CLVS1: variants seen among roughly 807,000 people sequenced by gnomAD.
The protein encoded by CLVS1 is clavesin 1, also known as clavesin-1.
CLVS1 carries 10 observed loss-of-function variants against 33.1 expected under a neutral mutation model. That is an observed-to-expected ratio of 0.30 (90% CI 0.19 to 0.51). CLVS1 has a LOEUF of 0.51. CLVS1 is among the 20% of genes least tolerant of loss of function. CLVS1 has a pLI of 0.97. For synonymous variants in CLVS1, 163 were observed against 166.1 expected (o/e 0.98, Z 0.14); for missense variants, 343 against 433.4 (o/e 0.79, Z 1.85).
chr8:61,202,878 T>A lies in CLVS1; in HGVS notation c.-152+71018T>A. The A allele has an allele frequency of 5.7e-6, 5 of 880,740 alleles. No individual in the cohort carries two copies. The South Asian group carries it at 6.6e-5, about 12-fold the overall frequency. 54.6% of individuals were successfully genotyped at this position (880,740 alleles called of 1,614,324 possible). On this transcript the variant is annotated intron_variant, in intron 2 of 2. Coordinates refer to the CLVS1 transcript ENST00000522621. ...AAGAAGATGATGATGATGAAGATGA[T>A]GATGATGATTTTAATGAGGAAGCTG...
At chr8:61,292,267 C>A (rs1563480537) in intron 1 of CLVS1, 8 of 447,836 alleles carry the variant, frequency 1.8e-5, no homozygotes, top group South Asian at 1.1e-4. Context: ...AAAATAGCCT[C>A]TTTCCTCCCA....
At chr8:61,224,657 T>G (rs551389599) in intron 2 of CLVS1, among the ~76,000 whole-genome samples, 3 of 152,302 alleles carry the variant, frequency 2.0e-5, no homozygotes, top group East Asian at 3.9e-4. Flanking sequence ...TTGGGTGGCA[T>G]AGGGAGCAGG....
chr8:61,038,461 T>TATATATATATATATATATATATGAC, the CLVS1 span, among the ~76,000 whole-genome samples: 2 of 117,770 alleles, frequency 1.7e-5, no homozygotes, highest in African/African-American at 3.7e-5. Context: ...ATATATGACA[T>TATATATATATATATATATATATGAC]ATATATATAT....
the CLVS1 span, among the ~76,000 whole-genome samples, chr8:60,968,629 C>T: frequency 6.6e-6 from 1 of 152,052 alleles, no homozygotes; most frequent in African/African-American, 2.4e-5. Context: ...TGGTGCACAC[C>T]TATAATCCCA....
At chr8:61,413,618 T>G (rs1815318069) in intron 3 of CLVS1, among the ~76,000 whole-genome samples, 1 of 152,180 alleles carries the variant, frequency 6.6e-6, no homozygotes, top group South Asian at 2.1e-4. Flanking sequence ...TATTTTCCCT[T>G]AACACCCTCC....
chr8:61,419,396 C>CAAAAAAAAAAAA (rs10635998), intron 3 of CLVS1, among the ~76,000 whole-genome samples: 49 of 70,326 alleles, frequency 7.0e-4, no homozygotes, highest in African/African-American at 2.0e-3. Flanking sequence ...GACTCCGTCT[C>CAAAAAAAAAAAA]AAAAAAAAAA....
intron 3 of CLVS1, among the ~76,000 whole-genome samples, chr8:61,427,707 T>G (rs1815946257): frequency 6.6e-6 from 1 of 152,208 alleles, no homozygotes; most frequent in South Asian, 2.1e-4. Flanking sequence ...AGAGGTTAAG[T>G]TATTTGACCC....
chr8:61,301,889 A>G (rs1810451105), intron 2 of CLVS1, among the ~76,000 whole-genome samples: 1 of 152,226 alleles, frequency 6.6e-6, no homozygotes, highest in African/African-American at 2.4e-5. Flanking sequence ...GCAATATCCA[A>G]TGAATGTTGA....
At chr8:61,050,462 A>G in the CLVS1 span, among the ~76,000 whole-genome samples, 7 of 152,210 alleles carry the variant, frequency 4.6e-5, no homozygotes, top group Non-Finnish European at 1.0e-4. Flanking sequence ...GACATTAAAC[A>G]TCACCAATGA....
intron 2 of CLVS1, among the ~76,000 whole-genome samples, chr8:61,247,773 G>T (rs1400111667): frequency 2.0e-5 from 3 of 152,178 alleles, no homozygotes; most frequent in Non-Finnish European, 4.4e-5. Context: ...TTGCTGTGCA[G>T]AAGTTCTTAA....
At chr8:61,026,530 G>T in the CLVS1 span, among the ~76,000 whole-genome samples, 5 of 152,152 alleles carry the variant, frequency 3.3e-5, no homozygotes, top group African/African-American at 1.2e-4. Context: ...GAGATGTGGT[G>T]TGCTTTGGGA....
intron 2 of CLVS1, among the ~76,000 whole-genome samples, chr8:61,224,910 T>A (rs956710590): frequency 6.6e-6 from 1 of 152,226 alleles, no homozygotes. Flanking sequence ...GGAGAATTTC[T>A]AACCCTCTAA....
chr8:61,389,215 G>T (rs562483973), intron 3 of CLVS1, among the ~76,000 whole-genome samples: 2 of 152,122 alleles, frequency 1.3e-5, no homozygotes, highest in Non-Finnish European at 2.9e-5. Flanking sequence ...TGGGTTGAGA[G>T]GCTAACCCAC....
At chr8:61,158,510 A>G (rs1806691651) in intron 2 of CLVS1, among the ~76,000 whole-genome samples, 1 of 152,184 alleles carries the variant, frequency 6.6e-6, no homozygotes, top group East Asian at 1.9e-4. Flanking sequence ...GATCATTGGT[A>G]GTGAAATTGG....
At chr8:61,368,382 C>A (rs1813300735) in intron 2 of CLVS1, among the ~76,000 whole-genome samples, 1 of 152,208 alleles carries the variant, frequency 6.6e-6, no homozygotes, top group South Asian at 2.1e-4. Flanking sequence ...GAAACACGGG[C>A]TCTTATTTCC....
the CLVS1 span, among the ~76,000 whole-genome samples, chr8:61,048,276 A>T: frequency 1.3e-5 from 2 of 152,232 alleles, no homozygotes; most frequent in Non-Finnish European, 2.9e-5. Context: ...AGAGCAGGGC[A>T]TGGTAACTAT....
intron 3 of CLVS1, among the ~76,000 whole-genome samples, chr8:61,436,964 A>G (rs540803565): frequency 1.8e-4 from 28 of 152,310 alleles, no homozygotes; most frequent in African/African-American, 6.7e-4. Flanking sequence ...CCCTCTTCAC[A>G]AGGGGAAGGG....
chr8:61,271,351 C>T (rs945126591), intron 2 of CLVS1, among the ~76,000 whole-genome samples: 10 of 150,390 alleles, frequency 6.6e-5, no homozygotes, highest in Non-Finnish European at 1.2e-4. Flanking sequence ...ATCCTGAGTT[C>T]TAGTTTGATT....
chr8:61,175,454 A>G (rs1027762350), intron 2 of CLVS1, among the ~76,000 whole-genome samples: 3 of 152,246 alleles, frequency 2.0e-5, no homozygotes, highest in African/African-American at 7.2e-5. Context: ...TGTTGTTTAT[A>G]GGCCATCCAG....
Sources: allele counts gnomAD v4.1 joint callset (sites outside exome capture counted in the v4.1 genomes callset), GRCh38; gene constraint gnomAD v4.1.1; transcripts MANE v1.5; gene names NCBI Gene and HGNC (gene_info 2026-07-23, HGNC 2026-07-21).